ASTN1: variants seen among roughly 807,000 people sequenced by gnomAD.
ASTN1 encodes astrotactin-1.
In ASTN1, 41 loss-of-function variants were observed where a neutral mutation model predicts 140.7. The observed-to-expected ratio is 0.29, with a 90% confidence interval of 0.23 to 0.38. The LOEUF (loss-of-function observed/expected upper bound fraction) is 0.38. ASTN1 is among the 10% of genes least tolerant of loss of function. The probability of loss-of-function intolerance (pLI) is 1.00; values close to 1 mark genes in which losing one functional copy is unlikely to be tolerated. For synonymous variants in ASTN1, 640 were observed against 652.2 expected (o/e 0.98, Z 0.29); for missense variants, 1,479 against 1,678.8 (o/e 0.88, Z 2.08).
rs1668040648 is a variant in ASTN1 at position 176,863,779 on chromosome 1, C to T, written c.*505G>A. ...GCCACCTTCCTCAATTTTCTATTGT[C>T]TCTCTCTGTGAGCAGGGCCAAGGCT... is the stretch of plus-strand genomic sequence containing the variant. On this transcript the variant is annotated 3_prime_UTR_variant, in exon 23 of 23. Coordinates refer to ENST00000361833, the MANE Select transcript of ASTN1 (RefSeq NM_004319.3). The T allele has an allele frequency of 1.0e-6, 1 of 987,972 alleles. No individual in the cohort carries two copies. The highest frequency in any genetic ancestry group is 4.7e-5 in the South Asian group (1 of 21,460). The allele number at this position is 987,972 out of a possible 1,614,324, so 61.2% of individuals were successfully genotyped here. A position where few individuals can be genotyped will look rare whatever the true frequency, so the allele number is the denominator to read the frequency against.
At chr1:176,901,994 T>C (rs996791395) in intron 16 of ASTN1, among the ~76,000 whole-genome samples, 12 of 152,220 alleles carry the variant, frequency 7.9e-5, no homozygotes, top group Non-Finnish European at 1.3e-4. Context: ...AAGAAGTTTC[T>C]GGAACTAGCA....
intron 16 of ASTN1, among the ~76,000 whole-genome samples, chr1:176,921,591 A>G (rs544853943): frequency 2.5e-4 from 38 of 152,376 alleles, no homozygotes; most frequent in South Asian, 6.2e-4. Context: ...GAAACTTACA[A>G]TAACAATCAC....
rs138529906 is a variant in ASTN1 at position 177,132,225 on chromosome 1, A to T, written c.283+32169T>A. On this transcript the variant is annotated intron_variant, in intron 1 of 22. Transcript: ENST00000361833. ...CATTTCTAAAAACATGTGAACAAAGACAAATAACAATCTAATCAATTCCTT... is the reference window on the plus strand; with the variant it reads ...CATTTCTAAAAACATGTGAACAAAGTCAAATAACAATCTAATCAATTCCTT... 3.7e-4 allele frequency among the ~76,000 whole-genome samples: 57 copies of T among 152,350 alleles called. 2 individuals carry two copies. The highest frequency in any genetic ancestry group is 3.4e-3 in the Middle Eastern group (1 of 294).
Position 177,149,806 on chromosome 1 carries a change from G to A in ASTN1, c.283+14588C>T, listed in dbSNP as rs1682948556. 2.7e-5 allele frequency among the ~76,000 whole-genome samples: 3 copies of A among 112,986 alleles called. No individual in the cohort carries two copies. The Admixed American group carries it at 2.8e-4, about 11-fold the overall frequency. The allele number at this position is 112,986 out of a possible 152,430, so 74.1% of individuals were successfully genotyped here. On this transcript the variant is annotated intron_variant, in intron 1 of 22. Coordinates refer to ENST00000361833, the MANE Select transcript of ASTN1 (RefSeq NM_004319.3). ...AATATATATACAGTGTATATACATA[G>A]TAAATATATATACAGTGTATATACA... is the stretch of plus-strand genomic sequence containing the variant.
intron 8 of ASTN1, among the ~76,000 whole-genome samples, chr1:176,969,179 A>G (rs1293614939): frequency 6.6e-6 from 1 of 152,184 alleles, no homozygotes; most frequent in Non-Finnish European, 1.5e-5. Flanking sequence ...AAAGCCTATC[A>G]TGAAATCTTG....
intron 16 of ASTN1, among the ~76,000 whole-genome samples, chr1:176,903,945 A>C (rs1043199997): frequency 6.6e-6 from 1 of 152,060 alleles, no homozygotes; most frequent in Non-Finnish European, 1.5e-5. Flanking sequence ...CCTCACACTA[A>C]TCTTGGCCTC....
At chr1:176,857,424 C>T, downstream of ASTN1, 1 of 401,288 alleles carries the variant, frequency 2.5e-6, no homozygotes, top group Admixed American at 4.4e-5. Flanking sequence ...ATTAGGAAGA[C>T]TTTGGGATTA....
chr1:177,151,472 A>C (rs1356527308), intron 1 of ASTN1, among the ~76,000 whole-genome samples: 1 of 151,802 alleles, frequency 6.6e-6, no homozygotes, highest in Non-Finnish European at 1.5e-5. Flanking sequence ...ACCCTGAATG[A>C]CTGCCCTTCC....
chr1:177,006,031 C>T (rs1359892228), intron 8 of ASTN1, among the ~76,000 whole-genome samples: 1 of 152,176 alleles, frequency 6.6e-6, no homozygotes, highest in Non-Finnish European at 1.5e-5. Context: ...CCTACAACCT[C>T]TTATTATACA....
chr1:177,076,909 T>C (rs1017610400), intron 1 of ASTN1, among the ~76,000 whole-genome samples: 2 of 152,152 alleles, frequency 1.3e-5, no homozygotes, highest in Non-Finnish European at 2.9e-5. Flanking sequence ...TTAATTATCC[T>C]GTCTAGAAAG....
chr1:177,122,088 G>A (rs1026964081), intron 1 of ASTN1, among the ~76,000 whole-genome samples: 1 of 152,176 alleles, frequency 6.6e-6, no homozygotes, highest in Non-Finnish European at 1.5e-5. Context: ...GGTTAAAAAA[G>A]AGATCGATGG....
At chr1:177,073,849 G>A (rs1229529218) in intron 1 of ASTN1, among the ~76,000 whole-genome samples, 1 of 151,312 alleles carries the variant, frequency 6.6e-6, no homozygotes, top group Non-Finnish European at 1.5e-5. Context: ...TCAAAGGGCT[G>A]TTAAAGTGAA....
chr1:176,968,187 T>C lies in ASTN1; in HGVS notation c.1524-2950A>G, dbSNP rs150777231. Among the ~76,000 whole-genome samples the C allele has an allele frequency of 8.5e-3, 1,292 of 152,312 alleles. 16 individuals are homozygous for C. Among genetic ancestry groups the C allele is most frequent in the Non-Finnish European group, 0.012 (823 of 68,022 alleles). ...CTGTATTTATTTGACAAAGTTGTTA[T>C]GAGGAGGAACTAGCTAATGTAATTA... On this transcript the variant is annotated intron_variant, in intron 8 of 22. Coordinates refer to ENST00000361833, the MANE Select transcript of ASTN1 (RefSeq NM_004319.3).
chr1:177,026,901 G>C (rs1183164577), intron 5 of ASTN1, among the ~76,000 whole-genome samples: 1 of 152,106 alleles, frequency 6.6e-6, no homozygotes, highest in Non-Finnish European at 1.5e-5. Flanking sequence ...GTCCCTGGGA[G>C]GATCCTTCAT....
At chr1:176,910,800 A>T (rs1416692704) in intron 16 of ASTN1, among the ~76,000 whole-genome samples, 1 of 152,212 alleles carries the variant, frequency 6.6e-6, no homozygotes, top group African/African-American at 2.4e-5. Context: ...GTGAGAGAGC[A>T]TGAACACCTG....
At position 176,864,436 on chromosome 1, in the gene ASTN1, G is replaced by C; in HGVS notation, c.3733C>G (p.Arg1245Gly). ...LLQEPKISLR[R>G]SSLKYLGCRY... ...CACCCCAGGTACTTGAGTGAGCTGC[G>C]CCGCAAGCTTATCTTGGGTTCCTGA... The change falls in exon 23 of 23, where the codon CGC (arginine) becomes GGC (glycine). Residue 1245 changes from arginine to glycine, a missense_variant. Physicochemically the swap from Arg to Gly is moderately radical, Grantham distance 125 (BLOSUM62 -2). Transcript: ENST00000361833. The C allele has an allele frequency of 1.2e-6, 2 of 1,614,084 alleles. No individual in the cohort carries two copies. The highest frequency in any genetic ancestry group is 4.5e-5 in the East Asian group (2 of 44,860).
intron 1 of ASTN1, among the ~76,000 whole-genome samples, chr1:177,101,615 T>G (rs928614821): frequency 1.3e-5 from 2 of 152,170 alleles, no homozygotes; most frequent in African/African-American, 4.8e-5. Flanking sequence ...TTGAAAAGGA[T>G]TCCAGGTACA....
At chr1:177,093,980 A>G (rs1005632842) in intron 1 of ASTN1, among the ~76,000 whole-genome samples, 2 of 152,178 alleles carry the variant, frequency 1.3e-5, no homozygotes, top group Non-Finnish European at 2.9e-5. Flanking sequence ...GTTGGCTCCC[A>G]AGAGCTCCTG....
rs1371783064 is a variant in ASTN1 at position 177,105,718 on chromosome 1, G to T, written c.284-44453C>A. ...GATAATAATTATTGCTGCACTGATT[G>T]AGAAATTGGTATATTCTCGCTTTGT... On this transcript the variant is annotated intron_variant, in intron 1 of 22. Coordinates refer to ENST00000361833, the MANE Select transcript of ASTN1 (RefSeq NM_004319.3). Among the ~76,000 whole-genome samples, 5 of 151,474 alleles carry T rather than the reference G, an allele frequency of 3.3e-5. No individual in the cohort carries two copies. The East Asian group carries it at 9.7e-4, about 29-fold the overall frequency.
Sources: gnomAD v4.1 joint callset for allele counts (sites outside exome capture counted in the v4.1 genomes callset) on GRCh38, gnomAD v4.1.1 for gene constraint, MANE v1.5 for transcripts, NCBI Gene and HGNC (gene_info 2026-07-23, HGNC 2026-07-21) for gene names.